PUM1: variants seen among roughly 807,000 people sequenced by gnomAD.
PUM1 encodes pumilio RNA binding family member 1, also known as pumilio homolog 1.
In PUM1, 13 loss-of-function variants were observed where a neutral mutation model predicts 131.8. The ratio of observed to expected loss-of-function variants is 0.10; its 90% CI spans 0.06 to 0.16. The LOEUF is 0.16. PUM1 is among the 10% of genes least tolerant of loss of function. The pLI, the probability that PUM1 is intolerant of heterozygous loss-of-function variation, is 1.00. For missense variants in PUM1, 961 were observed against 1,512.4 expected (o/e 0.64, Z 6.05); for synonymous variants, 509 against 556.5 (o/e 0.91, Z 1.20).
At chr1:30,933,479 CA>C (rs1557539642) in intron 21 of PUM1, 137 bp from the exon 22 acceptor site, 102 of 857,524 alleles carry the variant, frequency 1.2e-4, no homozygotes, top group East Asian at 7.1e-4. Context: ...CACACACACA[CA>C]CACACCCCTA....
In PUM1 at chr1:31,053,920, C is replaced by T. The variant is rs369093760; in HGVS notation, c.363+5284G>A. ...GACTAGCCTGGCCAACATGGTGAAA[C>T]CTTGTTTCTACTAAAAATACAAAAT... On this transcript the variant is annotated intron_variant, in intron 2 of 21. Transcript: ENST00000426105. Among the ~76,000 whole-genome samples, 69 of 151,912 alleles carry T rather than the reference C, an allele frequency of 4.5e-4. No individual in the cohort carries two copies. In the East Asian group the frequency reaches 0.012, roughly 27 times the overall value.
At position 30,959,854 on chromosome 1, in the gene PUM1, C is replaced by T. The variant is rs1257672233; in HGVS notation, c.2323+4820G>A. 3.3e-5 allele frequency among the ~76,000 whole-genome samples: 5 copies of T among 151,344 alleles called. No individual in the cohort carries two copies. The East Asian group carries it at 9.7e-4, about 29-fold the overall frequency. ...CCCAGGGGGCAGAGGTTGCAGTGAGCCGAGATTGCACCATTGCACTCCACC... is the reference window on the plus strand; with the variant it reads ...CCCAGGGGGCAGAGGTTGCAGTGAGTCGAGATTGCACCATTGCACTCCACC... On this transcript the variant is annotated intron_variant, in intron 14 of 21. Coordinates refer to ENST00000426105, the MANE Select transcript of PUM1 (RefSeq NM_001020658.2).
chr1:30,964,943 C>T, intron 13 of PUM1, 33 bp from the exon 14 acceptor site: 1 of 1,571,720 alleles, frequency 6.4e-7, no homozygotes, highest in Non-Finnish European at 8.8e-7. Context: ...CAGATAAGAA[C>T]AGGCCTGTTC....
chr1:31,060,155 C>G (rs147509627), intron 1 of PUM1, among the ~76,000 whole-genome samples: 19 of 150,404 alleles, frequency 1.3e-4, no homozygotes, highest in African/African-American at 4.1e-4. Context: ...GCCCCAAAAG[C>G]CTTTTTAAAA....
In PUM1 at chr1:30,934,508, C is replaced by A. The variant is rs1181602758; in HGVS notation, c.3436-1166G>T. ...TGCGCATGCTTCCCAGGACACAGAG[C>A]TGCATCGGGTGTCACATTCCCACTT... On this transcript the variant is annotated intron_variant, in intron 21 of 21. Transcript: ENST00000426105. Among the ~76,000 whole-genome samples the A allele has an allele frequency of 3.3e-5, 5 of 152,312 alleles. No homozygotes were observed. The South Asian group carries it at 8.3e-4, about 25-fold the overall frequency.
chr1:30,942,210 T>C lies in PUM1; in HGVS notation c.2995-87A>G, dbSNP rs977391173. 9.7e-5 allele frequency: 15 copies of C among 154,832 alleles called. 1 individual carries two copies. The highest frequency in any genetic ancestry group is 4.7e-4 in the African/African-American group (13 of 27,788). The allele number at this position is 154,832 out of a possible 1,614,324, so 9.6% of individuals were successfully genotyped here. A position where few individuals can be genotyped will look rare whatever the true frequency, so the allele number is the denominator to read the frequency against. On this transcript the variant is annotated intron_variant, in intron 18 of 21. Transcript: ENST00000426105. ...TATTGTTTATATATATATATATATA[T>C]ATATATATATATATATATATATATA...
At chr1:31,060,014 T>C (rs1644332228) in intron 1 of PUM1, among the ~76,000 whole-genome samples, 1 of 143,418 alleles carries the variant, frequency 7.0e-6, no homozygotes, top group African/African-American at 2.5e-5. Context: ...GGGTGGCTAA[T>C]TTTTTGTATT....
intron 9 of PUM1, among the ~76,000 whole-genome samples, chr1:30,979,800 A>C (rs1217845159): frequency 6.6e-6 from 1 of 152,178 alleles, no homozygotes; most frequent in Non-Finnish European, 1.5e-5. Context: ...AATTCCCAAA[A>C]TATAAATGAG....
chr1:30,984,751 T>C (rs2124474419), intron 7 of PUM1, among the ~76,000 whole-genome samples: 1 of 152,236 alleles, frequency 6.6e-6, no homozygotes, highest in East Asian at 1.9e-4. Context: ...AAACACCCAA[T>C]ATAGTGACTG....
At chr1:30,956,716 G>A (rs114002222) in intron 14 of PUM1, among the ~76,000 whole-genome samples, 116 of 152,208 alleles carry the variant, frequency 7.6e-4, no homozygotes, top group African/African-American at 2.7e-3. Flanking sequence ...GGTATGGGGC[G>A]AACACACAAT....
intron 5 of PUM1, among the ~76,000 whole-genome samples, chr1:31,004,635 T>C (rs1405564445): frequency 6.6e-6 from 1 of 152,162 alleles, no homozygotes; most frequent in Non-Finnish European, 1.5e-5. Context: ...GTCAAAACAC[T>C]GAAAAGCAAT....
chr1:31,036,344 C>T (rs747181958), intron 2 of PUM1, among the ~76,000 whole-genome samples: 1 of 152,162 alleles, frequency 6.6e-6, no homozygotes, highest in Admixed American at 6.5e-5. Flanking sequence ...GCTGGGATTA[C>T]AGGTGTGAGC....
intron 4 of PUM1, 94 bp downstream of exon 4, chr1:31,006,900 T>C (rs1272140413): frequency 4.5e-6 from 4 of 896,228 alleles, no homozygotes; most frequent in Non-Finnish European, 1.8e-6. Flanking sequence ...GACATGCTTA[T>C]GTCACTGATG....
At chr1:31,064,329 A>G (rs900136242) in intron 1 of PUM1, among the ~76,000 whole-genome samples, 1 of 152,210 alleles carries the variant, frequency 6.6e-6, no homozygotes, top group Non-Finnish European at 1.5e-5. Flanking sequence ...TCGCTAAAGC[A>G]AAACACTAAC....
intron 14 of PUM1, among the ~76,000 whole-genome samples, chr1:30,964,126 A>T (rs899442609): frequency 2.2e-4 from 33 of 152,316 alleles, no homozygotes; most frequent in African/African-American, 7.7e-4. Flanking sequence ...CAATCTAAAT[A>T]TTTAATAGGG....
At chr1:30,999,606 CAAAAAAAAAAAAAAAAAAAAAAAAAA>C (rs56936440) in intron 5 of PUM1, among the ~76,000 whole-genome samples, 1 of 53,956 alleles carries the variant, frequency 1.9e-5, no homozygotes, top group Non-Finnish European at 3.4e-5. Flanking sequence ...GACTCTGTCT[CAAAAAAAAAAAAAAAAAAAAAAAAAA>C]AAAAAAAAAA....
intron 17 of PUM1, among the ~76,000 whole-genome samples, chr1:30,949,442 T>TC (rs1392440571): frequency 3.5e-5 from 5 of 142,350 alleles, no homozygotes; most frequent in African/African-American, 1.4e-4. Flanking sequence ...CTCTTTCAGT[T>TC]CCCCACTCAC....
chr1:31,032,491 C>G (rs1267293568), intron 2 of PUM1, among the ~76,000 whole-genome samples: 1 of 151,372 alleles, frequency 6.6e-6, no homozygotes, highest in Non-Finnish European at 1.5e-5. Context: ...CTATTTGAGT[C>G]TCAGGTTAAT....
At chr1:30,954,440 T>C (rs1481558516) in intron 14 of PUM1, among the ~76,000 whole-genome samples, 1 of 152,130 alleles carries the variant, frequency 6.6e-6, no homozygotes. Context: ...AAATCAGGCA[T>C]CCAGATTGGT....
Sources: allele counts gnomAD v4.1 joint callset (sites outside exome capture counted in the v4.1 genomes callset), GRCh38; gene constraint gnomAD v4.1.1; transcripts MANE v1.5; gene names NCBI Gene and HGNC (gene_info 2026-07-23, HGNC 2026-07-21).